SCHIP1: variants seen among roughly 807,000 people sequenced by gnomAD.
The protein encoded by SCHIP1 is schwannomin-interacting protein 1.
In SCHIP1, 8 loss-of-function variants were observed where a neutral mutation model predicts 29.7. The observed-to-expected ratio is 0.27, with a 90% CI of 0.16 to 0.49. SCHIP1 has a LOEUF of 0.49. SCHIP1 is among the 20% of genes least tolerant of loss of function. The pLI is 0.99. For missense variants in SCHIP1, 193 were observed against 294.6 expected, an observed-to-expected ratio of 0.66 and a Z score of 2.52; for synonymous variants, 76 against 94.9, an observed-to-expected ratio of 0.80 and a Z score of 1.16.
At chr3:159,402,371 G>A in the SCHIP1 span, among the ~76,000 whole-genome samples, 1 of 152,138 alleles carries the variant, frequency 6.6e-6, no homozygotes, top group Non-Finnish European at 1.5e-5. Flanking sequence ...AAGTCGGTGT[G>A]GCGATTCCTC....
At chr3:159,493,109 C>A in the SCHIP1 span, among the ~76,000 whole-genome samples, 1 of 152,164 alleles carries the variant, frequency 6.6e-6, no homozygotes, top group Admixed American at 6.6e-5. Context: ...AAGTACTAAA[C>A]GTGGAAAGGA....
chr3:159,584,125 T>C, the SCHIP1 span, among the ~76,000 whole-genome samples: 1 of 152,200 alleles, frequency 6.6e-6, no homozygotes, highest in African/African-American at 2.4e-5. Flanking sequence ...GACAGGTACT[T>C]GCCAGGTCAT....
the SCHIP1 span, among the ~76,000 whole-genome samples, chr3:159,573,311 A>G: frequency 3.3e-5 from 5 of 152,090 alleles, no homozygotes; most frequent in African/African-American, 9.7e-5. Flanking sequence ...AGGCCTGGTG[A>G]TGGCAAAATC....
chr3:159,569,809 C>G, the SCHIP1 span, among the ~76,000 whole-genome samples: 1 of 152,184 alleles, frequency 6.6e-6, no homozygotes, highest in Non-Finnish European at 1.5e-5. Flanking sequence ...TCCTATTTCT[C>G]CATATCCTCT....
chr3:159,560,125 A>G, the SCHIP1 span, among the ~76,000 whole-genome samples: 1 of 152,372 alleles, frequency 6.6e-6, no homozygotes, highest in African/African-American at 2.4e-5. Flanking sequence ...CAGAACACAG[A>G]ACAAAAAGAG....
At chr3:159,437,649 A>G in the SCHIP1 span, among the ~76,000 whole-genome samples, 2 of 152,074 alleles carry the variant, frequency 1.3e-5, no homozygotes, top group African/African-American at 2.4e-5. Flanking sequence ...AAAAAAATCT[A>G]CATCTTGCTA....
At chr3:159,753,954 C>T in the SCHIP1 span, among the ~76,000 whole-genome samples, 1 of 152,210 alleles carries the variant, frequency 6.6e-6, no homozygotes, top group African/African-American at 2.4e-5. Flanking sequence ...CATGCACTAA[C>T]CACATGCTCT....
At chr3:159,406,283 G>A in the SCHIP1 span, among the ~76,000 whole-genome samples, 3 of 152,126 alleles carry the variant, frequency 2.0e-5, 1 homozygote, top group South Asian at 4.1e-4. Flanking sequence ...AGACTTCAGT[G>A]GAAACCTTAC....
At chr3:159,344,834 G>A in the SCHIP1 span, among the ~76,000 whole-genome samples, 1,204 of 152,276 alleles carry the variant, frequency 7.9e-3, 18 homozygotes, top group African/African-American at 0.027. Flanking sequence ...TGTGACAAAC[G>A]TATCATACTA....
intron 2 of SCHIP1, 76 bp downstream of exon 3, chr3:159,866,357 G>A: frequency 1.5e-6 from 2 of 1,366,372 alleles, no homozygotes; most frequent in Non-Finnish European, 2.0e-6. Context: ...ATAAAAAAAA[G>A]CCTTTAAATC....
chr3:159,578,499 T>C, the SCHIP1 span, among the ~76,000 whole-genome samples: 23 of 152,192 alleles, frequency 1.5e-4, no homozygotes, highest in Non-Finnish European at 3.2e-4. Context: ...GTTTCTCTAT[T>C]AGTTTCCTAT....
chr3:159,506,084 C>T, the SCHIP1 span, among the ~76,000 whole-genome samples: 8 of 152,194 alleles, frequency 5.3e-5, no homozygotes, highest in African/African-American at 1.9e-4. Flanking sequence ...ACAATCCCAC[C>T]AACAGTGTAA....
chr3:159,384,036 C>T, the SCHIP1 span, among the ~76,000 whole-genome samples: 3 of 151,624 alleles, frequency 2.0e-5, no homozygotes, highest in Non-Finnish European at 4.4e-5. Context: ...TCTAGATATA[C>T]AATCATGTCA....
the SCHIP1 span, among the ~76,000 whole-genome samples, chr3:159,604,734 C>T: frequency 6.6e-6 from 1 of 152,200 alleles, no homozygotes; most frequent in East Asian, 1.9e-4. Context: ...TTTGTCAGCA[C>T]ATTTTGCCTA....
the SCHIP1 span, among the ~76,000 whole-genome samples, chr3:159,631,075 G>A: frequency 1.4e-3 from 219 of 151,994 alleles, no homozygotes; most frequent in African/African-American, 4.9e-3. Flanking sequence ...ACATGAAAAG[G>A]TGCTGAACAT....
At chr3:159,773,603 T>C in the SCHIP1 span, among the ~76,000 whole-genome samples, 2 of 152,246 alleles carry the variant, frequency 1.3e-5, no homozygotes, top group African/African-American at 4.8e-5. Flanking sequence ...ATTTAAGAGC[T>C]TCCAAAACTG....
At chr3:159,772,649 C>T in the SCHIP1 span, among the ~76,000 whole-genome samples, 1 of 152,232 alleles carries the variant, frequency 6.6e-6, no homozygotes. Context: ...AAAGTTGCTA[C>T]ACTATAAACT....
the SCHIP1 span, among the ~76,000 whole-genome samples, chr3:159,787,559 T>A: frequency 3.9e-5 from 6 of 152,248 alleles, no homozygotes; most frequent in African/African-American, 1.2e-4. Flanking sequence ...GGATAGCAAT[T>A]CCATCTGCTA....
the SCHIP1 span, among the ~76,000 whole-genome samples, chr3:159,813,474 T>G: frequency 6.6e-6 from 1 of 152,162 alleles, no homozygotes; most frequent in South Asian, 2.1e-4. Flanking sequence ...GAGGATCTCC[T>G]AAGCCCAGGA....
Sources: allele counts gnomAD v4.1 joint callset (sites outside exome capture counted in the v4.1 genomes callset), GRCh38; gene constraint gnomAD v4.1.1; transcripts MANE v1.5; gene names NCBI Gene and HGNC (gene_info 2026-07-23, HGNC 2026-07-21).